Variants in TTC12 observed in about 807,000 individuals in gnomAD.
TTC12 encodes the protein tetratricopeptide repeat domain 12.
A neutral mutation model predicts 90.1 loss-of-function variants in TTC12; 70 were observed. The ratio of observed to expected loss-of-function variants is 0.78; its 90% CI spans 0.64 to 0.95. The LOEUF (loss-of-function observed/expected upper bound fraction) is 0.95. Among genes scored for constraint, TTC12 ranks in the 40% least tolerant of loss-of-function variants. The pLI, the probability that TTC12 is intolerant of heterozygous loss-of-function variation, is 0.00. For synonymous variants in TTC12, 296 were observed against 311.5 expected (o/e 0.95, Z 0.53); for missense variants, 819 against 846.1 (o/e 0.97, Z 0.40).
At chr11:113,349,318 C>T (rs1179884027) in intron 13 of TTC12, among the ~76,000 whole-genome samples, 6 of 152,292 alleles carry the variant, frequency 3.9e-5, no homozygotes, top group Middle Eastern at 3.4e-3. Context: ...CTGTAGGAGA[C>T]CAGGAGCTCA....
At chr11:113,345,784 G>A (rs1948917326) in intron 13 of TTC12, among the ~76,000 whole-genome samples, 1 of 151,950 alleles carries the variant, frequency 6.6e-6, no homozygotes, top group Non-Finnish European at 1.5e-5. Flanking sequence ...TTTTAATATT[G>A]TTTTTGTCTC....
rs1245080365 is a variant in TTC12, at chr11:113,351,401, G to A, written c.1308+102G>A. On this transcript the variant is annotated intron_variant, in intron 15 of 21. Coordinates refer to ENST00000529221, the MANE Select transcript of TTC12 (RefSeq NM_017868.4). Reference sequence around the variant, plus strand: ...CAATCCAGAACAACTATTGTCTCTCGGTTGATTAGTCATTTATTCACAGCT... The same window carrying A: ...CAATCCAGAACAACTATTGTCTCTCAGTTGATTAGTCATTTATTCACAGCT... The A allele has an allele frequency of 1.9e-5, 18 of 945,968 alleles. 1 individual carries two copies. Among genetic ancestry groups the A allele is most frequent in the Admixed American group, 5.7e-5 (3 of 52,968 alleles). 58.6% of individuals were successfully genotyped at this position (945,968 alleles called of 1,614,324 possible). A position where few individuals can be genotyped will look rare whatever the true frequency, so the allele number is the denominator to read the frequency against.
At chr11:113,339,180 C>T (rs1338071464) in intron 9 of TTC12, 106 bp from the exon 10 acceptor site, 13 of 892,042 alleles carry the variant, frequency 1.5e-5, no homozygotes, top group Non-Finnish European at 2.0e-5. Flanking sequence ...ATGCTTTATG[C>T]TTCTCAAACT....
chr11:113,354,502 A>G (rs1456842894), intron 16 of TTC12, among the ~76,000 whole-genome samples: 2 of 152,170 alleles, frequency 1.3e-5, no homozygotes, highest in African/African-American at 4.8e-5. Flanking sequence ...GCTATGTTGA[A>G]TAGGAGTGGT....
At chr11:113,347,605 C>G (rs1484915478) in intron 13 of TTC12, among the ~76,000 whole-genome samples, 5 of 152,196 alleles carry the variant, frequency 3.3e-5, no homozygotes, top group African/African-American at 4.8e-5. Context: ...GGGGCTGATT[C>G]TGCCTCCATA....
chr11:113,368,415 C>T, downstream of TTC12: 2 of 1,549,992 alleles, frequency 1.3e-6, no homozygotes, highest in Non-Finnish European at 1.7e-6. Context: ...GCCTCATCTC[C>T]ACTTGCCAGG....
Position 113,344,143 on chromosome 11 carries a change from C to T in TTC12, c.986-129C>T, listed in dbSNP as rs1555147123. 5 of 1,106,616 alleles carry T rather than the reference C, an allele frequency of 4.5e-6. No individual in the cohort carries two copies. The East Asian group carries it at 9.7e-5, about 21-fold the overall frequency. 68.5% of individuals were successfully genotyped at this position (1,106,616 alleles called of 1,614,324 possible). ...GCAGTCTGGTTCTAGAATCCACACTCTTACACTTCATTATTCTGCCTTCAA... is the reference window on the plus strand; with the variant it reads ...GCAGTCTGGTTCTAGAATCCACACTTTTACACTTCATTATTCTGCCTTCAA... On this transcript the variant is annotated intron_variant, in intron 12 of 21. Transcript: ENST00000529221.
intron 16 of TTC12, among the ~76,000 whole-genome samples, chr11:113,357,048 T>C (rs1555152683): frequency 6.6e-6 from 1 of 152,234 alleles, no homozygotes; most frequent in Non-Finnish European, 1.5e-5. Flanking sequence ...TCCTCATCTC[T>C]TTCAGGGACA....
intron 21 of TTC12, among the ~76,000 whole-genome samples, chr11:113,372,851 C>T (rs1282702633): frequency 1.3e-5 from 2 of 152,122 alleles, no homozygotes; most frequent in Non-Finnish European, 2.9e-5. Context: ...CTATGGTGTT[C>T]CAGCATCTCA....
At chr11:113,344,558 G>T in intron 13 of TTC12, 118 bp downstream of exon 13, 1 of 1,106,178 alleles carries the variant, frequency 9.0e-7, no homozygotes, top group East Asian at 2.5e-5. Context: ...ATAACAGAAA[G>T]AGCCTTTGAC....
intron 19 of TTC12, among the ~76,000 whole-genome samples, chr11:113,362,956 C>A (rs1226121659): frequency 5.3e-5 from 8 of 152,168 alleles, no homozygotes; most frequent in Admixed American, 5.2e-4. Flanking sequence ...GTTGGGATTT[C>A]CCTGTGAGAT....
At chr11:113,342,461 C>T (rs548980171) in intron 12 of TTC12, among the ~76,000 whole-genome samples, 82 of 152,234 alleles carry the variant, frequency 5.4e-4, no homozygotes, top group African/African-American at 2.0e-3. Context: ...ACTTTTGTAA[C>T]TTCAACATAA....
At chr11:113,353,791 C>T (rs781840861) in intron 16 of TTC12, among the ~76,000 whole-genome samples, 3 of 152,068 alleles carry the variant, frequency 2.0e-5, no homozygotes, top group Non-Finnish European at 4.4e-5. Flanking sequence ...GGTCTTATTT[C>T]TGCGTTCTTT....
downstream of TTC12, among the ~76,000 whole-genome samples, chr11:113,367,321 C>T (rs149546642): frequency 3.4e-3 from 519 of 152,334 alleles, 5 homozygotes; most frequent in African/African-American, 0.012. Flanking sequence ...TGCTTAACCT[C>T]TCTGAGCTTT....
chr11:113,362,368 G>A lies in TTC12; in HGVS notation c.1615-33G>A, dbSNP rs782076555. The stretch of plus-strand genomic sequence containing the variant: ...AAAGGTTGTCAGCATTTCTGAAAAG[G>A]ACATTTAATTATCCTCTTTCTGCTG... On this transcript the variant is annotated intron_variant, in intron 18 of 21. Coordinates refer to ENST00000529221, the MANE Select transcript of TTC12 (RefSeq NM_017868.4). 3 of 1,507,674 alleles carry A rather than the reference G, an allele frequency of 2.0e-6. No homozygotes were observed. The South Asian group carries it at 3.4e-5, about 17-fold the overall frequency. 93.4% of individuals were successfully genotyped at this position (1,507,674 alleles called of 1,614,324 possible). A position where few individuals can be genotyped will look rare whatever the true frequency, so the allele number is the denominator to read the frequency against.
Position 113,325,571 on chromosome 11 carries a change from A to T in TTC12, c.370A>T (p.Thr124Ser), listed in dbSNP as rs148860156. Reference sequence around the variant, plus strand: ...AGCATTTGCTGAAGGCAATTATGAAACAGCTATCCTGCGCTACAGTGAGGG... The same window carrying T: ...AGCATTTGCTGAAGGCAATTATGAATCAGCTATCCTGCGCTACAGTGAGGG... ...NEAFAEGNYE[T>S]AILRYSEGLE... Residue 124 changes from threonine to serine, a missense_variant, in exon 6 of 22, where the codon ACA (threonine) becomes TCA (serine). Thr to Ser is a moderately conservative substitution (Grantham distance 58). Coordinates refer to ENST00000529221, the MANE Select transcript of TTC12 (RefSeq NM_017868.4). The T allele has an allele frequency of 1.5e-4, 250 of 1,613,898 alleles. No individual in the cohort carries two copies. The highest frequency in any genetic ancestry group is 2.1e-4 in the Non-Finnish European group (244 of 1,179,868).
At chr11:113,365,634 G>C (rs1197460658) in intron 21 of TTC12, 1 of 177,178 alleles carries the variant, frequency 5.6e-6, no homozygotes, top group African/African-American at 2.4e-5. Context: ...TGTTAGCTCA[G>C]ACCTCCACTC....
chr11:113,323,884 AG>A, intron 3 of TTC12, 109 bp from the exon 4 acceptor site: 1 of 833,628 alleles, frequency 1.2e-6, no homozygotes, highest in Non-Finnish European at 1.9e-6. Context: ...GATGGTTAAA[AG>A]AAATGACCTC....
Position 113,359,395 on chromosome 11 carries a change from A to G in TTC12, c.1479A>G (p.Arg493=), listed in dbSNP as rs1555153775. 6.2e-7 allele frequency: 1 copy of G among 1,612,754 alleles called. No homozygotes were observed. Among genetic ancestry groups the G allele is most frequent in the Non-Finnish European group, 8.5e-7 (1 of 1,178,996 alleles). ...GTGAGGAGGATGTGGACCTGTTCAG[A>G]GAGGTTATCTACACACTCCTGGGAC... The part of the protein sequence containing the change: ...ARCEEDVDLF[R]EVIYTLLGLM... The change falls in exon 17 of 22, where the codon AGA becomes AGG. Residue 493 remains arginine, a synonymous_variant. Transcript: ENST00000529221.
Sources: allele counts gnomAD v4.1 joint callset (sites outside exome capture counted in the v4.1 genomes callset), GRCh38; gene constraint gnomAD v4.1.1; transcripts MANE v1.5; gene names NCBI Gene and HGNC (gene_info 2026-07-23, HGNC 2026-07-21).